The following SPATA2L variants were observed in gnomAD, a reference collection of about 807,000 sequenced individuals.
The protein encoded by SPATA2L is spermatogenesis associated 2 like, also known as spermatogenesis-associated protein 2-like protein.
In SPATA2L, 5 loss-of-function variants were observed where a neutral mutation model predicts 8.7. The ratio of observed to expected loss-of-function variants is 0.57; its 90% CI spans 0.30 to 1.21. The LOEUF (loss-of-function observed/expected upper bound fraction) is 1.21. Ranked by LOEUF, SPATA2L falls within the 50% of genes most tolerant of loss-of-function variation. SPATA2L has a pLI of 0.07. For synonymous variants in SPATA2L, 358 were observed against 275.8 expected (o/e 1.30, Z -2.95); for missense variants, 671 against 591.0 (o/e 1.14, Z -1.40).
In SPATA2L at chr16:89,701,011, C is replaced by A. The variant is rs942661815; in HGVS notation, c.222G>T (p.Leu74=). 4 of 1,572,230 alleles carry A rather than the reference C, an allele frequency of 2.5e-6. No homozygotes were observed. Among genetic ancestry groups the A allele is most frequent in the Non-Finnish European group, 3.4e-6 (4 of 1,161,056 alleles). The change falls in exon 2 of 3, where the codon CTG becomes CTT. Residue 74 remains leucine (L), a synonymous_variant. Coordinates refer to ENST00000289805, the MANE Select transcript of SPATA2L (RefSeq NM_152339.4). ...GCTCCAGAAGCTCGAAGGCGCGAGC[C>A]AGGCCGCGTAGCGCGGGCGCCAGGT... ...RADLAPALRG[L]ARAFELLELA...
chr16:89,696,857 C>A lies in SPATA2L; in HGVS notation c.*477G>T. ...CCGGCAGAGCCCCGCAGATTGGCTC[C>A]AGCAGAGCTTGGGGTGGGGGGAGCT... is the stretch of plus-strand genomic sequence containing the variant. On this transcript the variant is annotated 3_prime_UTR_variant, in exon 3 of 3. Coordinates refer to ENST00000289805, the MANE Select transcript of SPATA2L (RefSeq NM_152339.4). The A allele has an allele frequency of 6.5e-7, 1 of 1,535,256 alleles. No homozygotes were observed. The highest frequency in any genetic ancestry group is 8.7e-7 in the Non-Finnish European group (1 of 1,146,360).
intron 2 of SPATA2L, among the ~76,000 whole-genome samples, chr16:89,699,992 C>T (rs1567533865): frequency 6.6e-6 from 1 of 152,236 alleles, no homozygotes; most frequent in African/African-American, 2.4e-5. Flanking sequence ...GTGTGGAGCG[C>T]CCAGTGCCTG....
At position 89,701,074 on chromosome 16, in the gene SPATA2L, C is replaced by A; in HGVS notation, c.159G>T (p.Ala53=). 1 of 1,572,148 alleles carries A rather than the reference C, an allele frequency of 6.4e-7. No homozygotes were observed. The highest frequency in any genetic ancestry group is 8.6e-7 in the Non-Finnish European group (1 of 1,163,766). Residue 53 remains alanine, a synonymous_variant, in exon 2 of 3, where the codon GCG becomes GCT. Coordinates refer to ENST00000289805, the MANE Select transcript of SPATA2L (RefSeq NM_152339.4). ...ACAGCCCGTCGGTGAGCAGAGCCAG[C>A]GCGTCGTCCTGCAGCGCCCCGTGCA... ...FDLHGALQDD[A]LALLTDGLWG...
At position 89,701,096 on chromosome 16, in the gene SPATA2L, T is replaced by A; in HGVS notation, c.137A>T (p.His46Leu). The part of the protein sequence containing the change: ...WQILVEDFDL[H>L]GALQDDALAL... ...CAGCGCGTCGTCCTGCAGCGCCCCG[T>A]GCAGGTCGAAGTCCTCCACCAGGAT... Residue 46 changes from histidine to leucine, a missense_variant, in exon 2 of 3, where the codon CAC (histidine) becomes CTC (leucine). Transcript: ENST00000289805. 6.4e-7 allele frequency: 1 copy of A among 1,566,284 alleles called. No individual in the cohort carries two copies. The highest frequency in any genetic ancestry group is 8.6e-7 in the Non-Finnish European group (1 of 1,161,974).
At position 89,697,935 on chromosome 16, in the gene SPATA2L, A is replaced by G. The variant is rs1449251084; in HGVS notation, c.674T>C (p.Leu225Pro). Reference protein sequence around the residue: ...RGSPAAYRAPLDLYRDLQEDE... With the variant: ...RGSPAAYRAPPDLYRDLQEDE... ...TTCCTGCAAGTCCCGGTATAAGTCC[A>G]GTGGGGCCCTGTAAGCAGCAGGGGA... Residue 225 changes from leucine to proline, a missense_variant, in exon 3 of 3, where the codon CTG (leucine) becomes CCG (proline). By Grantham distance (98) the Leu-to-Pro change is moderately conservative (BLOSUM62 -3). Transcript: ENST00000289805. 1 of 1,609,978 alleles carries G rather than the reference A, an allele frequency of 6.2e-7. No individual in the cohort carries two copies. The highest frequency in any genetic ancestry group is 8.5e-7 in the Non-Finnish European group (1 of 1,178,644).
Position 89,698,173 on chromosome 16 carries a change from A to C in SPATA2L, c.436T>G (p.Cys146Gly). The change falls in exon 3 of 3, where the codon TGC (cysteine) becomes GGC (glycine). Residue 146 changes from cysteine to glycine, a missense_variant. Coordinates refer to ENST00000289805, the MANE Select transcript of SPATA2L (RefSeq NM_152339.4). ...CCCAGGGCCACCTGCACCAGCTGGC[A>C]GGCGGGGGGCAGGGCGGTCACCATG... is the stretch of plus-strand genomic sequence containing the variant. ...RLMVTALPPACQLVQVALGCF... is the reference protein window; with the variant it reads ...RLMVTALPPAGQLVQVALGCF... The C allele has an allele frequency of 1.9e-6, 3 of 1,612,622 alleles. No individual in the cohort carries two copies. The highest frequency in any genetic ancestry group is 2.5e-6 in the Non-Finnish European group (3 of 1,179,812).
chr16:89,699,575 G>A (rs1295641315), intron 2 of SPATA2L, among the ~76,000 whole-genome samples: 1 of 148,176 alleles, frequency 6.7e-6, no homozygotes, highest in Non-Finnish European at 1.5e-5. Flanking sequence ...TTTTTGAGAC[G>A]GAGTCTCACT....
In SPATA2L at chr16:89,697,594, C is replaced by G. The variant is rs759794642; in HGVS notation, c.1015G>C (p.Glu339Gln). 1 of 1,601,482 alleles carries G rather than the reference C, an allele frequency of 6.2e-7. No individual in the cohort carries two copies. The highest frequency in any genetic ancestry group is 8.5e-7 in the Non-Finnish European group (1 of 1,177,562). The change falls in exon 3 of 3, where the codon GAG (glutamate) becomes CAG (glutamine). Residue 339 changes from glutamate to glutamine, a missense_variant. By Grantham distance (29) the Glu-to-Gln change is conservative. Coordinates refer to ENST00000289805, the MANE Select transcript of SPATA2L (RefSeq NM_152339.4). ...AAASPRRIRAEGVPASAYRSV... is the reference protein window; with the variant it reads ...AAASPRRIRAQGVPASAYRSV... ...CTATAGGCTGAGGCTGGTACCCCCT[C>G]TGCCCGAATACGCCTCGGGCTGGCC...
chr16:89,697,984 GCTC>G lies in SPATA2L; in HGVS notation c.622_624del (p.Glu208del). On this transcript the variant is annotated inframe_deletion, in exon 3 of 3. Transcript: ENST00000289805. Reference sequence around the variant, plus strand: ...GAGCCTCGGGGGGGCAGGGGTGGCGGCTCCTCATCCTGGGCCAGCCGCTGCTGC... The same window carrying G: ...GAGCCTCGGGGGGGCAGGGGTGGCGGCTCATCCTGGGCCAGCCGCTGCTGC... 2 of 1,602,704 alleles carry G rather than the reference GCTC, an allele frequency of 1.2e-6. No individual in the cohort carries two copies. The highest frequency in any genetic ancestry group is 1.7e-6 in the Non-Finnish European group (2 of 1,177,330).
chr16:89,700,074 A>T (rs1012987925), intron 2 of SPATA2L, among the ~76,000 whole-genome samples: 2 of 152,174 alleles, frequency 1.3e-5, no homozygotes, highest in Non-Finnish European at 2.9e-5. Context: ...TCGCTGTCTC[A>T]GGAGGAAAGG....
Position 89,697,384 on chromosome 16 carries a change from G to T in SPATA2L, c.1225C>A (p.Arg409Ser), listed in dbSNP as rs552728431. 2 of 1,587,264 alleles carry T rather than the reference G, an allele frequency of 1.3e-6. No individual in the cohort carries two copies. Among genetic ancestry groups the T allele is most frequent in the Non-Finnish European group, 8.6e-7 (1 of 1,166,594 alleles). The change falls in exon 3 of 3, where the codon CGT becomes AGT. Residue 409 changes from arginine (R) to serine (S), a missense_variant. Coordinates refer to ENST00000289805, the MANE Select transcript of SPATA2L (RefSeq NM_152339.4). ...GDAQRRLWLQ[R>S]AQMDTLLYNS... ...TAGAGCAGAGTGTCCATCTGTGCAC[G>T]CTGTAGCCACAAGCGCCGCTGGGCG...
Position 89,701,052 on chromosome 16 carries a change from G to A in SPATA2L, c.181C>T (p.Leu61=), listed in dbSNP as rs933252129. ...GGCGCCAGGTCGGCGCGGCCCCACA[G>A]CCCGTCGGTGAGCAGAGCCAGCGCG... ...DDALALLTDG[L]WGRADLAPAL... The change falls in exon 2 of 3, where the codon CTG becomes TTG. Residue 61 remains leucine (L), a synonymous_variant. Coordinates refer to ENST00000289805, the MANE Select transcript of SPATA2L (RefSeq NM_152339.4). 6.4e-7 allele frequency: 1 copy of A among 1,572,606 alleles called. No homozygotes were observed. The highest frequency in any genetic ancestry group is 1.4e-5 in the African/African-American group (1 of 73,364).
Position 89,696,575 on chromosome 16 carries a change from C to A in SPATA2L, c.*759G>T. 2.0e-6 allele frequency: 1 copy of A among 507,204 alleles called. No individual in the cohort carries two copies. The highest frequency in any genetic ancestry group is 3.5e-6 in the Non-Finnish European group (1 of 287,644). The allele number at this position is 507,204 out of a possible 1,614,324, so 31.4% of individuals were successfully genotyped here. A position where few individuals can be genotyped will look rare whatever the true frequency, so the allele number is the denominator to read the frequency against. On this transcript the variant is annotated 3_prime_UTR_variant, in exon 3 of 3. Coordinates refer to ENST00000289805, the MANE Select transcript of SPATA2L (RefSeq NM_152339.4). ...TCCTCGCCAGCCTGTGGGCTGCACC[C>A]ACAGGGAATGGAGGGGAGGGGCACC...
rs199820291 is a variant in SPATA2L, at chr16:89,697,611, G to T, written c.998C>A (p.Pro333Gln). ...ATPESSAAAS[P>Q]RRIRAEGVPA... Reference sequence around the variant, plus strand: ...TACCCCCTCTGCCCGAATACGCCTCGGGCTGGCCGCTGCAGAGCTTTCAGG... The same window carrying T: ...TACCCCCTCTGCCCGAATACGCCTCTGGCTGGCCGCTGCAGAGCTTTCAGG... The change falls in exon 3 of 3, where the codon CCG (proline) becomes CAG (glutamine). Residue 333 changes from proline to glutamine, a missense_variant. Coordinates refer to ENST00000289805, the MANE Select transcript of SPATA2L (RefSeq NM_152339.4). 5 of 1,604,452 alleles carry T rather than the reference G, an allele frequency of 3.1e-6. No homozygotes were observed. The highest frequency in any genetic ancestry group is 2.2e-5 in the South Asian group (2 of 91,000).
Position 89,697,936 on chromosome 16 carries a change from G to A in SPATA2L, c.673C>T (p.Leu225=), listed in dbSNP as rs759388501. ...TCCTGCAAGTCCCGGTATAAGTCCA[G>A]TGGGGCCCTGTAAGCAGCAGGGGAG... ...RGSPAAYRAP[L]DLYRDLQEDE... is the part of the protein sequence containing the mutation. The change falls in exon 3 of 3, where the codon CTG becomes TTG. Residue 225 remains leucine, a synonymous_variant. Transcript: ENST00000289805. 4 of 1,610,068 alleles carry A rather than the reference G, an allele frequency of 2.5e-6. No individual in the cohort carries two copies. The highest frequency in any genetic ancestry group is 2.5e-6 in the Non-Finnish European group (3 of 1,178,754).
At chr16:89,699,938 C>G (rs1264892845) in intron 2 of SPATA2L, among the ~76,000 whole-genome samples, 1 of 152,248 alleles carries the variant, frequency 6.6e-6, no homozygotes. Context: ...CTCAAATTCC[C>G]TAACTCCGGG....
At chr16:89,700,435 G>A (rs2060768612) in intron 2 of SPATA2L, among the ~76,000 whole-genome samples, 1 of 152,206 alleles carries the variant, frequency 6.6e-6, no homozygotes, top group Non-Finnish European at 1.5e-5. Context: ...GGAGAGGCCA[G>A]GCCAGCCCTG....
intron 2 of SPATA2L, among the ~76,000 whole-genome samples, chr16:89,700,403 T>C (rs565143774): frequency 6.6e-6 from 1 of 152,040 alleles, no homozygotes; most frequent in African/African-American, 2.4e-5. Flanking sequence ...CCCTGCCCCC[T>C]CCTGCCGCCA....
At chr16:89,698,648 G>A (rs981702744) in intron 2 of SPATA2L, among the ~76,000 whole-genome samples, 3 of 150,602 alleles carry the variant, frequency 2.0e-5, no homozygotes, top group Non-Finnish European at 4.4e-5. Flanking sequence ...CACCACACCC[G>A]GCTAATTTTC....
Sources: allele counts gnomAD v4.1 joint callset (sites outside exome capture counted in the v4.1 genomes callset), GRCh38; gene constraint gnomAD v4.1.1; transcripts MANE v1.5; gene names NCBI Gene and HGNC (gene_info 2026-07-23, HGNC 2026-07-21).